The following DNAH11 variants were observed in gnomAD, a reference collection of about 807,000 sequenced individuals.
DNAH11 encodes the protein axonemal beta dynein heavy chain 11.
A neutral mutation model predicts 526.0 loss-of-function variants in DNAH11; 442 were observed. The ratio of observed to expected loss-of-function variants is 0.84; its 90% CI spans 0.78 to 0.91. DNAH11 has a LOEUF of 0.91. Ranked by LOEUF, DNAH11 falls within the 40% of genes least tolerant of loss-of-function variation. The probability of loss-of-function intolerance (pLI) is 0.00; values close to 1 mark genes in which losing one functional copy is unlikely to be tolerated. For synonymous variants in DNAH11, 2,461 were observed against 1,935.9 expected, an observed-to-expected ratio of 1.27 and a Z score of -7.12; for missense variants, 6,989 against 5,448.7, an observed-to-expected ratio of 1.28 and a Z score of -8.90.
intron 79 of DNAH11, among the ~76,000 whole-genome samples, chr7:21,895,249 G>C (rs1369359160): frequency 1.3e-5 from 2 of 152,182 alleles, no homozygotes; most frequent in African/African-American, 4.8e-5. Flanking sequence ...CATGATCTTA[G>C]ACAAAATAAC....
chr7:21,774,215 CCTGA>C (rs1787563300), intron 56 of DNAH11, among the ~76,000 whole-genome samples: 1 of 152,104 alleles, frequency 6.6e-6, no homozygotes, highest in Admixed American at 6.5e-5. Flanking sequence ...CTCTTCCTGG[CCTGA>C]CTCAGTGTAA....
At chr7:21,554,872 A>T (rs181144858) in intron 2 of DNAH11, among the ~76,000 whole-genome samples, 68 of 152,272 alleles carry the variant, frequency 4.5e-4, no homozygotes, top group African/African-American at 1.5e-3. Context: ...TCCCTCTTAC[A>T]CTGTTCTAAT....
chr7:21,768,619 A>T (rs1434472401), intron 55 of DNAH11, among the ~76,000 whole-genome samples: 1 of 152,360 alleles, frequency 6.6e-6, no homozygotes, highest in Admixed American at 6.5e-5. Flanking sequence ...ACTCCGTATC[A>T]TCAGCTTTTT....
intron 66 of DNAH11, among the ~76,000 whole-genome samples, 185 bp from the exon 67 acceptor site, chr7:21,852,282 C>T (rs1319882003): frequency 6.6e-6 from 1 of 151,806 alleles, no homozygotes; most frequent in Non-Finnish European, 1.5e-5. Flanking sequence ...TGGCAGGCAC[C>T]TGTAATCTCA....
intron 80 of DNAH11, among the ~76,000 whole-genome samples, 168 bp downstream of exon 80, chr7:21,899,616 G>C (rs1784672486): frequency 6.6e-6 from 1 of 152,198 alleles, no homozygotes; most frequent in Non-Finnish European, 1.5e-5. Context: ...TCCTGGGCAG[G>C]CGAGTAGCAG....
chr7:21,655,132 A>G (rs957348123), intron 28 of DNAH11, among the ~76,000 whole-genome samples: 1 of 148,398 alleles, frequency 6.7e-6, no homozygotes, highest in Non-Finnish European at 1.5e-5. Flanking sequence ...CTGGTTTTGT[A>G]TTGGAGAACG....
intron 68 of DNAH11, among the ~76,000 whole-genome samples, chr7:21,856,166 G>GACC (rs1268635252): frequency 6.6e-6 from 1 of 152,126 alleles, no homozygotes; most frequent in Non-Finnish European, 1.5e-5. Flanking sequence ...GAGTTTTGTA[G>GACC]ACCACTGTGT....
In DNAH11 at chr7:21,599,993, A is replaced by C. The variant is rs180920616; in HGVS notation, c.2874A>C (p.Lys958Asn). 4.3e-5 allele frequency: 69 copies of C among 1,613,728 alleles called. No individual in the cohort carries two copies. The East Asian group carries it at 1.5e-3, about 36-fold the overall frequency. The change falls in exon 15 of 82, where the codon AAA becomes AAC. Residue 958 changes from lysine (K) to asparagine (N), a missense_variant. Transcript: ENST00000409508. ...TGTTGCCTCCTGAGATTGTGTTTAA[A>C]CCTTCCCTAGACAGAGAGGCTGGGG... ...MILLPPEIVF[K>N]PSLDREAGDG... is the part of the protein sequence containing the mutation.
At position 21,735,780 on chromosome 7, in the gene DNAH11, C is replaced by A; in HGVS notation, c.7581C>A (p.Leu2527=). 2 of 1,613,982 alleles carry A rather than the reference C, an allele frequency of 1.2e-6. No individual in the cohort carries two copies. The highest frequency in any genetic ancestry group is 2.2e-5 in the South Asian group (2 of 91,080). ...TTGTAGGTGACACATTGGCAAGTCT[C>A]TCTGAGGATTACATAGTATCCCGTG... ...TVFVGDTLAS[L]SEDYIVSRVP... The change falls in exon 46 of 82, where the codon CTC becomes CTA. Residue 2527 remains leucine (L), a synonymous_variant. Transcript: ENST00000409508.
At chr7:21,824,588 C>T (rs1790196282) in intron 65 of DNAH11, among the ~76,000 whole-genome samples, 1 of 152,032 alleles carries the variant, frequency 6.6e-6, no homozygotes, top group African/African-American at 2.4e-5. Context: ...TACAAATAGT[C>T]AATAAGCACA....
chr7:21,588,713 C>A, intron 11 of DNAH11, 77 bp downstream of exon 11: 2 of 1,517,370 alleles, frequency 1.3e-6, no homozygotes, highest in South Asian at 1.1e-5. Flanking sequence ...GTGAGCTGTT[C>A]ATATTAGCAC....
chr7:21,818,410 A>G, intron 65 of DNAH11, 71 bp downstream of exon 65: 2 of 1,526,884 alleles, frequency 1.3e-6, no homozygotes, highest in Non-Finnish European at 1.8e-6. Flanking sequence ...TCTTAGCTTC[A>G]TAGTCAAGCA....
intron 69 of DNAH11, 98 bp from the exon 70 acceptor site, chr7:21,864,437 C>A (rs1309465707): frequency 7.4e-6 from 9 of 1,222,814 alleles, no homozygotes; most frequent in Admixed American, 2.2e-5. Flanking sequence ...AGGTATGGTT[C>A]TGCCTACTCA....
chr7:21,556,549 G>A (rs1783224234), intron 2 of DNAH11, among the ~76,000 whole-genome samples: 1 of 152,102 alleles, frequency 6.6e-6, no homozygotes, highest in African/African-American at 2.4e-5. Context: ...TAGATTCAAG[G>A]GGTGCATGTA....
chr7:21,765,969 A>G (rs1018142742), intron 55 of DNAH11, among the ~76,000 whole-genome samples: 6 of 152,116 alleles, frequency 3.9e-5, no homozygotes, highest in African/African-American at 1.4e-4. Flanking sequence ...CCAAACAGAA[A>G]TGTAGTCACC....
At chr7:21,583,205 A>G (rs1784373903) in intron 9 of DNAH11, among the ~76,000 whole-genome samples, 1 of 152,214 alleles carries the variant, frequency 6.6e-6, no homozygotes, top group Non-Finnish European at 1.5e-5. Flanking sequence ...GGCTACAGTA[A>G]CCAAAACAGT....
At position 21,545,254 on chromosome 7, in the gene DNAH11, G is replaced by T. The variant is rs1782762293; in HGVS notation, c.495+105G>T. 6 of 672,350 alleles carry T rather than the reference G, an allele frequency of 8.9e-6. No homozygotes were observed. The South Asian group carries it at 1.0e-4, about 12-fold the overall frequency. 41.6% of individuals were successfully genotyped at this position (672,350 alleles called of 1,614,324 possible). ...AAAAAAAGAAGAGCTAGGAGGGGAAGGGAAGGGGATGGGGGTGGTTAAAAA... is the reference window on the plus strand; with the variant it reads ...AAAAAAAGAAGAGCTAGGAGGGGAATGGAAGGGGATGGGGGTGGTTAAAAA... On this transcript the variant is annotated intron_variant, in intron 2 of 81. Coordinates refer to ENST00000409508, the MANE Select transcript of DNAH11 (RefSeq NM_001277115.2).
chr7:21,758,479 G>T (rs1427443192), intron 54 of DNAH11, among the ~76,000 whole-genome samples: 3 of 152,102 alleles, frequency 2.0e-5, no homozygotes, highest in Non-Finnish European at 4.4e-5. Flanking sequence ...GTGATGTGCT[G>T]AGTCCTTGGA....
At chr7:21,573,075 T>C (rs1373164630) in intron 8 of DNAH11, among the ~76,000 whole-genome samples, 1 of 152,204 alleles carries the variant, frequency 6.6e-6, no homozygotes, top group African/African-American at 2.4e-5. Context: ...CAAGAGAGTC[T>C]TGATTTTGTT....
Sources: gnomAD v4.1 joint callset for allele counts (sites outside exome capture counted in the v4.1 genomes callset) on GRCh38, gnomAD v4.1.1 for gene constraint, MANE v1.5 for transcripts, NCBI Gene and HGNC (gene_info 2026-07-23, HGNC 2026-07-21) for gene names.